Variants in EML1 observed in about 807,000 individuals in gnomAD.
EML1 encodes the protein echinoderm microtubule-associated protein-like 1.
A neutral mutation model predicts 110.4 loss-of-function variants in EML1; 27 were observed. That is an observed-to-expected ratio of 0.24 (90% CI 0.18 to 0.34). The LOEUF is 0.34. EML1 is among the 10% of genes least tolerant of loss of function. The probability of loss-of-function intolerance (pLI) is 1.00; values close to 1 mark genes in which losing one functional copy is unlikely to be tolerated. For missense variants in EML1, 741 were observed against 1,030.9 expected (o/e 0.72, Z 3.85); for synonymous variants, 344 against 385.8 (o/e 0.89, Z 1.27).
intron 3 of EML1, among the ~76,000 whole-genome samples, chr14:99,867,753 T>C (rs2059126879): frequency 1.3e-5 from 2 of 152,204 alleles, no homozygotes; most frequent in Non-Finnish European, 2.9e-5. Flanking sequence ...TATAAGATTC[T>C]GTCATCTGTA....
chr14:99,744,683 C>G (rs2146237), intron 1 of EML1, among the ~76,000 whole-genome samples: 2,412 of 152,340 alleles, frequency 0.016, 70 homozygotes, highest in East Asian at 0.12. Context: ...AGGGGCAAGA[C>G]TTTTCAAAAC....
At chr14:99,773,743 C>G (rs1165723614) in exon 1 of EML1, 1 of 152,226 alleles carries the variant, frequency 6.6e-6, no homozygotes, top group East Asian at 1.9e-4. Flanking sequence ...GCAGCCAGGC[C>G]GAGGTGGGCG....
Position 99,799,737 on chromosome 14 carries a change from G to A in EML1, c.67+6194G>A, listed in dbSNP as rs1269591739. 3.9e-5 allele frequency among the ~76,000 whole-genome samples: 6 copies of A among 152,276 alleles called. No homozygotes were observed. The East Asian group carries it at 7.7e-4, about 20-fold the overall frequency. ...ATTAATTGGTTATTGTCCATTTCTG[G>A]GATAGTGTAAACCTTTTCACATATT... On this transcript the variant is annotated intron_variant, in intron 1 of 21. Coordinates refer to ENST00000262233, the MANE Select transcript of EML1 (RefSeq NM_004434.3).
At chr14:99,771,550 G>A (rs1050457664), upstream of EML1, among the ~76,000 whole-genome samples, 7 of 152,190 alleles carry the variant, frequency 4.6e-5, no homozygotes, top group African/African-American at 9.6e-5. Flanking sequence ...CATGGCTCAC[G>A]CCTATATTCC....
intron 1 of EML1, among the ~76,000 whole-genome samples, chr14:99,782,432 G>C (rs2057550584): frequency 6.6e-6 from 1 of 152,272 alleles, no homozygotes; most frequent in Non-Finnish European, 1.5e-5. Flanking sequence ...CGGCGTGTTT[G>C]CTCCCCTCTG....
In EML1 at chr14:99,797,999, C is replaced by G. The variant is rs537183852; in HGVS notation, c.67+4456C>G. On this transcript the variant is annotated intron_variant, in intron 1 of 21. Coordinates refer to ENST00000262233, the MANE Select transcript of EML1 (RefSeq NM_004434.3). ...TTCAAAGCTAGAAAGGCTGTTCAACCTGTGCATGAGCATTTTCAAGAGACT... is the reference window on the plus strand; with the variant it reads ...TTCAAAGCTAGAAAGGCTGTTCAACGTGTGCATGAGCATTTTCAAGAGACT... 2.6e-5 allele frequency among the ~76,000 whole-genome samples: 4 copies of G among 152,276 alleles called. No individual in the cohort carries two copies. In the East Asian group the frequency reaches 7.7e-4, roughly 29 times the overall value.
In EML1 at chr14:99,830,228, G is replaced by A. The variant is rs1032257891; in HGVS notation, c.68-20625G>A. On this transcript the variant is annotated intron_variant, in intron 1 of 21. Coordinates refer to ENST00000262233, the MANE Select transcript of EML1 (RefSeq NM_004434.3). Reference sequence around the variant, plus strand: ...GTAGCTCATTATGGCTTTAATTTGCGTTTCTGTAATGACTAGTGATGTTGA... The same window carrying A: ...GTAGCTCATTATGGCTTTAATTTGCATTTCTGTAATGACTAGTGATGTTGA... Among the ~76,000 whole-genome samples the A allele has an allele frequency of 2.0e-5, 3 of 152,044 alleles. No individual in the cohort carries two copies. In the East Asian group the frequency reaches 5.8e-4, roughly 29 times the overall value.
At chr14:99,764,892 A>G (rs932301827) in intron 1 of EML1, among the ~76,000 whole-genome samples, 2 of 152,206 alleles carry the variant, frequency 1.3e-5, no homozygotes, top group Admixed American at 6.5e-5. Flanking sequence ...AGCAAAATAT[A>G]TAACAAAATT....
chr14:99,921,115 C>T (rs2060123752), intron 17 of EML1, among the ~76,000 whole-genome samples: 1 of 152,032 alleles, frequency 6.6e-6, no homozygotes, highest in Non-Finnish European at 1.5e-5. Flanking sequence ...GTTCCCCGCC[C>T]AGTGTGTCCA....
intron 1 of EML1, among the ~76,000 whole-genome samples, chr14:99,783,867 T>C (rs561546200): frequency 1.3e-5 from 2 of 152,326 alleles, no homozygotes; most frequent in South Asian, 4.1e-4. Flanking sequence ...GTTGCCCTAA[T>C]ATTAGCTTAT....
At chr14:99,894,597 G>T (rs1191415905) in intron 5 of EML1, 32 bp from the exon 6 acceptor site, 2 of 1,601,890 alleles carry the variant, frequency 1.2e-6, no homozygotes, top group Admixed American at 1.7e-5. Flanking sequence ...GGGCACTGAG[G>T]TATCTTACTG....
Position 99,894,908 on chromosome 14 carries a change from A to G in EML1, c.677+150A>G, listed in dbSNP as rs1029677311. 1.0e-5 allele frequency: 11 copies of G among 1,060,728 alleles called. No homozygotes were observed. The African/African-American group carries it at 1.8e-4, about 17-fold the overall frequency. The allele number at this position is 1,060,728 out of a possible 1,614,324, so 65.7% of individuals were successfully genotyped here. A position where few individuals can be genotyped will look rare whatever the true frequency, so the allele number is the denominator to read the frequency against. The stretch of plus-strand genomic sequence containing the variant: ...TACTTTTGAAAACTTAATGTAACAA[A>G]ATTGACTATATGTTAGAGACCTACA... On this transcript the variant is annotated intron_variant, in intron 6 of 21. Coordinates refer to ENST00000262233, the MANE Select transcript of EML1 (RefSeq NM_004434.3).
chr14:99,761,462 G>A (rs1595249043), intron 1 of EML1, among the ~76,000 whole-genome samples: 1 of 152,330 alleles, frequency 6.6e-6, no homozygotes. Flanking sequence ...CTTACTGGGA[G>A]GCGCCTGGCT....
chr14:99,935,405 C>T (rs2060449034), intron 17 of EML1, among the ~76,000 whole-genome samples: 1 of 151,606 alleles, frequency 6.6e-6, no homozygotes, highest in Non-Finnish European at 1.5e-5. Context: ...GTTGAGGCTG[C>T]AGTAAGCTGT....
chr14:99,932,360 G>A (rs1470452275), intron 17 of EML1, among the ~76,000 whole-genome samples: 5 of 152,178 alleles, frequency 3.3e-5, no homozygotes, highest in Non-Finnish European at 7.3e-5. Context: ...TATGGGGGCC[G>A]GGCGCGGTGG....
Position 99,911,531 on chromosome 14 carries a change from G to A in EML1, c.1449G>A (p.Lys483=), listed in dbSNP as rs759035670. Reference sequence around the variant, plus strand: ...TGTCGGGAGGTGGGAAAGACCGAAAGCTCATTTCTTGGAGCGGAAACTATC... The same window carrying A: ...TGTCGGGAGGTGGGAAAGACCGAAAACTCATTTCTTGGAGCGGAAACTATC... ...TLVSGGGKDR[K]LISWSGNYQK... Residue 483 remains lysine, a synonymous_variant, in exon 13 of 22, where the codon AAG becomes AAA. Coordinates refer to ENST00000262233, the MANE Select transcript of EML1 (RefSeq NM_004434.3). The A allele has an allele frequency of 1.6e-5, 25 of 1,612,674 alleles. No individual in the cohort carries two copies. The highest frequency in any genetic ancestry group is 1.6e-4 in the Middle Eastern group (1 of 6,080).
At chr14:99,861,626 C>T (rs535002804) in intron 2 of EML1, among the ~76,000 whole-genome samples, 3 of 152,042 alleles carry the variant, frequency 2.0e-5, no homozygotes, top group South Asian at 2.1e-4. Flanking sequence ...GGATGACAGG[C>T]GCATGTCACC....
intron 1 of EML1, among the ~76,000 whole-genome samples, chr14:99,765,125 G>T (rs2140192970): frequency 6.6e-6 from 1 of 152,138 alleles, no homozygotes; most frequent in South Asian, 2.1e-4. Flanking sequence ...TTAATTTGTA[G>T]AGGTGGGGTC....
chr14:99,811,042 G>A (rs547902298), intron 1 of EML1, among the ~76,000 whole-genome samples: 94 of 151,066 alleles, frequency 6.2e-4, no homozygotes, highest in Middle Eastern at 7.0e-3. Flanking sequence ...GTCTGTCTGG[G>A]ATCCCATATG....
Sources: gnomAD v4.1 joint callset for allele counts (sites outside exome capture counted in the v4.1 genomes callset) on GRCh38, gnomAD v4.1.1 for gene constraint, MANE v1.5 for transcripts, NCBI Gene and HGNC (gene_info 2026-07-23, HGNC 2026-07-21) for gene names.